The following CLIC5 variants were observed in gnomAD, a reference collection of about 807,000 sequenced individuals.
CLIC5 encodes the protein CLIC family member 5.
In CLIC5, 20 loss-of-function variants were observed where a neutral mutation model predicts 24.7. The observed-to-expected ratio is 0.81, with a 90% confidence interval of 0.57 to 1.18. The LOEUF (loss-of-function observed/expected upper bound fraction) is 1.18. CLIC5 is among the 50% of genes most tolerant of loss of function. The pLI is 0.00. For missense variants in CLIC5, 341 were observed against 326.1 expected (o/e 1.05, Z -0.35); for synonymous variants, 159 against 135.6 (o/e 1.17, Z -1.20).
chr6:46,126,315 G>A, the CLIC5 span, among the ~76,000 whole-genome samples: 3 of 152,148 alleles, frequency 2.0e-5, no homozygotes, highest in Non-Finnish European at 4.4e-5. Flanking sequence ...GCACCTTGAG[G>A]GCAAGGAATT....
intron 1 of CLIC5, 121 bp downstream of exon 1, chr6:46,015,359 G>T: frequency 9.9e-7 from 1 of 1,008,264 alleles, no homozygotes; most frequent in Non-Finnish European, 1.3e-6. Flanking sequence ...AGGCCACGGG[G>T]GAGCACAGGG....
At chr6:46,065,865 A>T (rs184973705) in intron 1 of CLIC5, among the ~76,000 whole-genome samples, 4 of 151,882 alleles carry the variant, frequency 2.6e-5, no homozygotes, top group Non-Finnish European at 4.4e-5. Flanking sequence ...ATTTGTCAAA[A>T]CTCCCTCAAA....
upstream of CLIC5, among the ~76,000 whole-genome samples, chr6:46,017,312 G>A (rs147027865): frequency 1.1e-4 from 16 of 152,040 alleles, no homozygotes; most frequent in East Asian, 7.7e-4. Flanking sequence ...AAAATTTATC[G>A]CTTAATAAAA....
intron 1 of CLIC5, among the ~76,000 whole-genome samples, chr6:46,047,822 A>G (rs1767993892): frequency 8.2e-6 from 1 of 121,686 alleles, no homozygotes; most frequent in South Asian, 2.6e-4. Flanking sequence ...AGAGGCATTC[A>G]AAGTGTATGT....
chr6:45,881,955 T>A (rs182244675), intron 6 of CLIC5, among the ~76,000 whole-genome samples: 35 of 141,648 alleles, frequency 2.5e-4, no homozygotes, highest in Admixed American at 1.0e-3. Context: ...AGTGTTTACA[T>A]AGTCAGAGAA....
At chr6:45,929,632 C>T (rs1763648026) in intron 4 of CLIC5, among the ~76,000 whole-genome samples, 3 of 152,226 alleles carry the variant, frequency 2.0e-5, no homozygotes, top group Admixed American at 2.0e-4. Flanking sequence ...GAGACGGTCA[C>T]ATGTTATCCG....
chr6:45,956,998 A>C (rs1252742652), intron 1 of CLIC5, among the ~76,000 whole-genome samples: 1 of 152,222 alleles, frequency 6.6e-6, no homozygotes, highest in East Asian at 1.9e-4. Flanking sequence ...GAACTTCTCA[A>C]GAAGCACTTG....
At chr6:46,056,773 A>C (rs1342086562) in intron 1 of CLIC5, among the ~76,000 whole-genome samples, 1 of 152,170 alleles carries the variant, frequency 6.6e-6, no homozygotes, top group East Asian at 1.9e-4. Context: ...CAGTGACTAT[A>C]GCTATTATCT....
chr6:46,085,347 G>A (rs1204299), upstream of CLIC5, among the ~76,000 whole-genome samples: 13 of 152,202 alleles, frequency 8.5e-5, no homozygotes, highest in South Asian at 4.2e-4. Flanking sequence ...GAGGAGAGGC[G>A]CTCTGCTTTT....
chr6:46,097,816 T>C, the CLIC5 span, among the ~76,000 whole-genome samples: 5 of 152,202 alleles, frequency 3.3e-5, no homozygotes, highest in Admixed American at 1.3e-4. Flanking sequence ...ATTTAATTCA[T>C]ATTTTTTTTT....
intron 5 of CLIC5, chr6:45,912,488 T>G: frequency 7.6e-7 from 1 of 1,318,930 alleles, no homozygotes; most frequent in South Asian, 1.6e-5. Context: ...AATACATGTT[T>G]GAGCAAGAGA....
At chr6:46,111,907 TTC>T in the CLIC5 span, among the ~76,000 whole-genome samples, 18 of 152,156 alleles carry the variant, frequency 1.2e-4, no homozygotes, top group Admixed American at 3.3e-4. Context: ...CCTGCACAAG[TTC>T]TCTCTTGTCT....
chr6:46,012,883 T>A lies in CLIC5; in HGVS notation c.63+2597A>T, dbSNP rs186374669. Among the ~76,000 whole-genome samples, 33 of 152,344 alleles carry A rather than the reference T, an allele frequency of 2.2e-4. No individual in the cohort carries two copies. The East Asian group carries it at 6.0e-3, about 28-fold the overall frequency. On this transcript the variant is annotated intron_variant, in intron 1 of 5. Transcript: ENST00000339561. Reference sequence around the variant, plus strand: ...TTGTTTTCTTTATCTTTCACATAAGTGAATCAAGCCTTATAAAGTTGCTGA... The same window carrying A: ...TTGTTTTCTTTATCTTTCACATAAGAGAATCAAGCCTTATAAAGTTGCTGA...
intron 1 of CLIC5, among the ~76,000 whole-genome samples, chr6:46,039,056 T>C (rs377680812): frequency 2.0e-5 from 3 of 152,268 alleles, no homozygotes; most frequent in East Asian, 3.9e-4. Context: ...AATAAAAGAA[T>C]ACTATTTATA....
chr6:45,946,354 A>G (rs900169353), intron 3 of CLIC5, among the ~76,000 whole-genome samples: 1 of 152,216 alleles, frequency 6.6e-6, no homozygotes, highest in Admixed American at 6.5e-5. Flanking sequence ...ACAACTTGAG[A>G]CTTCCTGGAT....
intron 1 of CLIC5, among the ~76,000 whole-genome samples, chr6:45,987,423 T>A (rs574962377): frequency 6.6e-6 from 1 of 152,210 alleles, no homozygotes; most frequent in African/African-American, 2.4e-5. Flanking sequence ...TATAGACAGA[T>A]GAAATCCAGA....
chr6:46,059,265 CT>C (rs1762170351), intron 1 of CLIC5, among the ~76,000 whole-genome samples: 1 of 152,322 alleles, frequency 6.6e-6, no homozygotes, highest in South Asian at 2.1e-4. Flanking sequence ...TGTAGCCTGT[CT>C]TAGCACTGTC....
chr6:46,066,543 C>T (rs1010743718), intron 1 of CLIC5, among the ~76,000 whole-genome samples: 1 of 152,046 alleles, frequency 6.6e-6, no homozygotes, highest in Non-Finnish European at 1.5e-5. Context: ...ATCCCCCGCC[C>T]CCCATAACCA....
At chr6:46,070,458 G>A (rs1231363034) in intron 1 of CLIC5, among the ~76,000 whole-genome samples, 1 of 152,076 alleles carries the variant, frequency 6.6e-6, no homozygotes, top group Admixed American at 6.6e-5. Context: ...AATCAGGAAT[G>A]CAATCCCATT....
Sources: gnomAD v4.1 joint callset for allele counts (sites outside exome capture counted in the v4.1 genomes callset) on GRCh38, gnomAD v4.1.1 for gene constraint, MANE v1.5 for transcripts, NCBI Gene and HGNC (gene_info 2026-07-23, HGNC 2026-07-21) for gene names.